Variants in FSIP2 observed in about 807,000 individuals in gnomAD.
FSIP2 encodes the protein fibrous sheath interacting protein 2.
FSIP2 carries 367 observed loss-of-function variants against 510.5 expected under a neutral mutation model. The observed-to-expected ratio is 0.72, with a 90% confidence interval of 0.66 to 0.78. The LOEUF (loss-of-function observed/expected upper bound fraction) is 0.78, where lower values mean the gene tolerates loss of function less well. Ranked by LOEUF, FSIP2 falls within the 30% of genes least tolerant of loss-of-function variation. The pLI, the probability that FSIP2 is intolerant of heterozygous loss-of-function variation, is 0.00. For missense variants in FSIP2, 7,594 were observed against 7,901.7 expected, an observed-to-expected ratio of 0.96 and a Z score of 1.48; for synonymous variants, 2,601 against 2,732.2, an observed-to-expected ratio of 0.95 and a Z score of 1.50.
chr2:185,786,167 T>G, intron 14 of FSIP2, 85 bp from the exon 15 acceptor site: 3 of 856,670 alleles, frequency 3.5e-6, no homozygotes, highest in Non-Finnish European at 5.4e-6. Flanking sequence ...TACAACAAAA[T>G]GATTTCAATA....
At position 185,796,608 on chromosome 2, in the gene FSIP2, G is replaced by T; in HGVS notation, c.9472G>T (p.Val3158Phe). ...GAENAYTVNQ[V>F]ELATNMKMFT... is the part of the protein sequence containing the mutation. ...TGAAAATGCCTACACTGTTAATCAG[G>T]TTGAATTAGCAACTAATATGAAAAT... Residue 3158 changes from valine to phenylalanine, a missense_variant, in exon 16 of 23, where the codon GTT (valine) becomes TTT (phenylalanine). Transcript: ENST00000424728. 6.5e-7 allele frequency: 1 copy of T among 1,535,056 alleles called. No individual in the cohort carries two copies. The highest frequency in any genetic ancestry group is 1.4e-5 in the African/African-American group (1 of 73,018).
At chr2:185,823,975 G>A (rs973694513) in intron 19 of FSIP2, among the ~76,000 whole-genome samples, 7 of 151,674 alleles carry the variant, frequency 4.6e-5, no homozygotes, top group African/African-American at 1.7e-4. Flanking sequence ...ATTGGTATAC[G>A]TCAGCAAAAA....
intron 18 of FSIP2, among the ~76,000 whole-genome samples, chr2:185,815,075 T>C (rs1693803807): frequency 6.6e-6 from 1 of 152,042 alleles, no homozygotes; most frequent in Non-Finnish European, 1.5e-5. Context: ...ATATATGATT[T>C]CAAATATTTT....
chr2:185,763,982 C>T (rs1482880984), intron 12 of FSIP2, among the ~76,000 whole-genome samples: 2 of 151,338 alleles, frequency 1.3e-5, no homozygotes, highest in African/African-American at 4.8e-5. Flanking sequence ...ACTGTTCTAC[C>T]ATATCAATAG....
At chr2:185,774,226 G>A (rs891408585) in intron 13 of FSIP2, among the ~76,000 whole-genome samples, 17 of 152,176 alleles carry the variant, frequency 1.1e-4, no homozygotes, top group Non-Finnish European at 2.5e-4. Flanking sequence ...TCAACAGGAT[G>A]CCATTTTAGA....
In FSIP2 at chr2:185,738,969, C is replaced by G. The variant is rs1246798106; in HGVS notation, c.75C>G (p.Ala25=). The change falls in exon 1 of 23, where the codon GCC becomes GCG. Residue 25 remains alanine, a synonymous_variant. Coordinates refer to ENST00000424728, the MANE Select transcript of FSIP2 (RefSeq NM_173651.4). ...CCAAGACGGTCGCCAGCGTCCTGGC[C>G]GCGGACACCCAGCAGTGCAGAGACG... The part of the protein sequence containing the change: ...AVTKTVASVL[A]ADTQQCRDGV... The G allele has an allele frequency of 2.6e-6, 4 of 1,533,626 alleles. No homozygotes were observed. The Admixed American group carries it at 7.8e-5, about 30-fold the overall frequency.
At chr2:185,738,443 G>A (rs936755323), upstream of FSIP2, 1 of 650,128 alleles carries the variant, frequency 1.5e-6, no homozygotes, top group Non-Finnish European at 2.6e-6. Flanking sequence ...AGAAGCTGTG[G>A]GAGCCTGGGG....
intron 13 of FSIP2, among the ~76,000 whole-genome samples, chr2:185,777,755 C>A (rs1223562280): frequency 4.0e-5 from 6 of 151,654 alleles, no homozygotes; most frequent in Admixed American, 3.9e-4. Context: ...TTAAATTTAC[C>A]AGTAGTTTGT....
intron 4 of FSIP2, chr2:185,744,766 A>T (rs1173328459): frequency 1.3e-5 from 2 of 153,316 alleles, no homozygotes; most frequent in East Asian, 3.8e-4. Flanking sequence ...GAGCCATAGG[A>T]AAAGAACAAT....
chr2:185,757,758 T>A (rs1423330320), intron 9 of FSIP2, among the ~76,000 whole-genome samples: 2 of 151,334 alleles, frequency 1.3e-5, no homozygotes, highest in Admixed American at 1.3e-4. Context: ...GTCTTTGTAT[T>A]TTTTCATTCC....
chr2:185,776,170 C>T (rs1229706406), intron 13 of FSIP2, among the ~76,000 whole-genome samples: 1 of 152,092 alleles, frequency 6.6e-6, no homozygotes, highest in African/African-American at 2.4e-5. Context: ...ACTTGGAAAG[C>T]TGAGGTGGGA....
In FSIP2 at chr2:185,806,607, A is replaced by G. The variant is rs1559035356; in HGVS notation, c.17301A>G (p.Lys5767=). 1 of 1,609,054 alleles carries G rather than the reference A, an allele frequency of 6.2e-7. No individual in the cohort carries two copies. Among genetic ancestry groups the G allele is most frequent in the East Asian group, 2.2e-5 (1 of 44,708 alleles). Residue 5767 remains lysine, a synonymous_variant, in exon 17 of 23, where the codon AAA becomes AAG. Transcript: ENST00000424728. ...VREEIKSEPS[K]PDDPQNQRES... is the part of the protein sequence containing the mutation. ...AGGAGATTAAAAGTGAACCCAGTAA[A>G]CCAGATGATCCTCAAAACCAACGAG...
chr2:185,820,855 A>G (rs1029558228), intron 19 of FSIP2, among the ~76,000 whole-genome samples: 5 of 151,492 alleles, frequency 3.3e-5, no homozygotes, highest in African/African-American at 1.2e-4. Flanking sequence ...AATAAGAAAG[A>G]TCTTATACCA....
intron 13 of FSIP2, among the ~76,000 whole-genome samples, chr2:185,772,849 TTTC>T (rs1252752030): frequency 2.0e-5 from 3 of 151,700 alleles, no homozygotes; most frequent in African/African-American, 7.3e-5. Context: ...TCTCCTTTCT[TTTC>T]TTTTGTTTTT....
chr2:185,747,263 AT>A, intron 6 of FSIP2, 49 bp from the exon 7 acceptor site: 1 of 1,008,220 alleles, frequency 9.9e-7, no homozygotes, highest in Non-Finnish European at 1.5e-6. Flanking sequence ...ATACAAAGAT[AT>A]TGTTGTGAAA....
rs772296851 is a variant in FSIP2, at chr2:185,802,776, C to T, written c.13470C>T (p.Asn4490=). ...LFSSASSLVL[N]RDTQKDISRV... Reference sequence around the variant, plus strand: ...CTTCTGCATCTAGCCTGGTTCTAAACAGAGACACCCAAAAAGATATATCAA... The same window carrying T: ...CTTCTGCATCTAGCCTGGTTCTAAATAGAGACACCCAAAAAGATATATCAA... Residue 4490 remains asparagine, a synonymous_variant, in exon 17 of 23, where the codon AAC becomes AAT. Coordinates refer to ENST00000424728, the MANE Select transcript of FSIP2 (RefSeq NM_173651.4). The T allele has an allele frequency of 6.6e-7, 1 of 1,518,440 alleles. No homozygotes were observed. Among genetic ancestry groups the T allele is most frequent in the South Asian group, 1.2e-5 (1 of 80,532 alleles). 94.1% of individuals were successfully genotyped at this position (1,518,440 alleles called of 1,614,324 possible).
intron 13 of FSIP2, 60 bp from the exon 14 acceptor site, chr2:185,782,645 C>T (rs1692876889): frequency 4.2e-6 from 4 of 959,600 alleles, no homozygotes; most frequent in Non-Finnish European, 4.8e-6. Context: ...GGAGGATTAC[C>T]ATTTAGCAAG....
chr2:185,760,307 TACA>T (rs1337151031), intron 9 of FSIP2, among the ~76,000 whole-genome samples: 2 of 150,262 alleles, frequency 1.3e-5, no homozygotes, highest in Non-Finnish European at 3.0e-5. Flanking sequence ...TGTAAAATGG[TACA>T]ACGACATTGA....
chr2:185,833,217 T>G lies in FSIP2; in HGVS notation c.20715T>G (p.Asp6905Glu). The G allele has an allele frequency of 6.2e-7, 1 of 1,607,372 alleles. No homozygotes were observed. Among genetic ancestry groups the G allele is most frequent in the Non-Finnish European group, 8.5e-7 (1 of 1,177,148 alleles). Reference protein sequence around the residue: ...ISRSSSPAHQDEH With the variant: ...ISRSSSPAHQEEH ...GATCTTCCTCACCAGCTCACCAGGA[T>G]GAACACTGAAGCTTTTGTACCTGAT... The change falls in exon 23 of 23, where the codon GAT becomes GAG. Residue 6905 changes from aspartate to glutamate, a missense_variant. By Grantham distance (45) the Asp-to-Glu change is conservative (BLOSUM62 2). Transcript: ENST00000424728.
Sources: allele counts gnomAD v4.1 joint callset (sites outside exome capture counted in the v4.1 genomes callset), GRCh38; gene constraint gnomAD v4.1.1; transcripts MANE v1.5; gene names NCBI Gene and HGNC (gene_info 2026-07-23, HGNC 2026-07-21).